PLXNA2: variants seen among roughly 807,000 people sequenced by gnomAD.
The protein encoded by PLXNA2 is plexin A2.
In PLXNA2, 91 loss-of-function variants were observed where a neutral mutation model predicts 193.5. The observed-to-expected ratio is 0.47, with a 90% CI of 0.40 to 0.56. The LOEUF (loss-of-function observed/expected upper bound fraction) is 0.56, where lower values mean the gene tolerates loss of function less well. Among genes scored for constraint, PLXNA2 ranks in the 20% least tolerant of loss-of-function variants. The pLI is 0.00. For synonymous variants in PLXNA2, 997 were observed against 1,027.3 expected, an observed-to-expected ratio of 0.97 and a Z score of 0.56; for missense variants, 1,995 against 2,503.2, an observed-to-expected ratio of 0.80 and a Z score of 4.33.
intron 3 of PLXNA2, among the ~76,000 whole-genome samples, chr1:208,160,984 A>T (rs1242206808): frequency 6.6e-6 from 1 of 152,248 alleles, no homozygotes; most frequent in Non-Finnish European, 1.5e-5. Context: ...TTTGTTATCA[A>T]AATTCTGCTT....
At chr1:208,153,679 C>T (rs535220697) in intron 3 of PLXNA2, among the ~76,000 whole-genome samples, 12 of 152,220 alleles carry the variant, frequency 7.9e-5, no homozygotes, top group East Asian at 1.9e-4. Flanking sequence ...ATTGAGGTTA[C>T]GAAGATGAGG....
At chr1:208,050,770 A>G (rs1047228281) in intron 17 of PLXNA2, among the ~76,000 whole-genome samples, 1 of 152,158 alleles carries the variant, frequency 6.6e-6, no homozygotes, top group Non-Finnish European at 1.5e-5. Context: ...TCAAGGCTGC[A>G]GTGAGCTGTG....
At chr1:208,240,939 C>A (rs571733901) in intron 1 of PLXNA2, among the ~76,000 whole-genome samples, 11 of 152,188 alleles carry the variant, frequency 7.2e-5, no homozygotes, top group Non-Finnish European at 1.3e-4. Flanking sequence ...CCACACCAAA[C>A]CCTATATCTT....
At chr1:208,041,972 G>A in intron 22 of PLXNA2, 126 bp downstream of exon 22, 1 of 974,408 alleles carries the variant, frequency 1.0e-6, no homozygotes. Context: ...GACACAGGCT[G>A]CTCTGAATGG....
chr1:208,027,405 C>T lies in PLXNA2; in HGVS notation c.5590-67G>A, dbSNP rs752923067. 11 of 1,342,714 alleles carry T rather than the reference C, an allele frequency of 8.2e-6. No homozygotes were observed. The South Asian group carries it at 1.1e-4, about 13-fold the overall frequency. The allele number at this position is 1,342,714 out of a possible 1,614,324, so 83.2% of individuals were successfully genotyped here. On this transcript the variant is annotated intron_variant, in intron 31 of 31. Transcript: ENST00000367033. ...AATAGAAGACACCATTTTCTGGAGT[C>T]GTTCCCTCTTTGCCCTCTGTCTACC...
chr1:208,035,077 A>G (rs986252396), intron 26 of PLXNA2, among the ~76,000 whole-genome samples: 3 of 152,120 alleles, frequency 2.0e-5, no homozygotes, highest in Non-Finnish European at 4.4e-5. Flanking sequence ...TGTGGCTTGC[A>G]CATGTGGCTT....
At chr1:208,054,585 C>A (rs1380313116) in intron 13 of PLXNA2, 47 bp from the exon 14 acceptor site, 1 of 1,306,328 alleles carries the variant, frequency 7.7e-7, no homozygotes, top group South Asian at 1.2e-5. Flanking sequence ...CAAGGGCTGG[C>A]ATCGCTGTTC....
At chr1:208,056,775 C>T (rs1571869111) in intron 13 of PLXNA2, among the ~76,000 whole-genome samples, 2 of 152,120 alleles carry the variant, frequency 1.3e-5, no homozygotes, top group South Asian at 2.1e-4. Context: ...TCTCTTTCCT[C>T]GGGCATCAGC....
intron 29 of PLXNA2, chr1:208,030,599 G>T: frequency 1.0e-6 from 1 of 985,438 alleles, no homozygotes; most frequent in Non-Finnish European, 1.2e-6. Context: ...CCGGGAGGAG[G>T]AAGGAAGAGA....
chr1:208,233,051 C>G (rs903323181), intron 1 of PLXNA2, among the ~76,000 whole-genome samples: 6 of 152,166 alleles, frequency 3.9e-5, no homozygotes, highest in Admixed American at 2.0e-4. Flanking sequence ...CTTGAATTCC[C>G]TAAATGTTGT....
intron 13 of PLXNA2, among the ~76,000 whole-genome samples, chr1:208,055,172 A>C (rs184034275): frequency 7.9e-4 from 120 of 152,224 alleles, no homozygotes; most frequent in African/African-American, 2.8e-3. Flanking sequence ...CTGGCCTCTC[A>C]CTTCATCAAG....
Position 208,044,120 on chromosome 1 carries a change from G to A in PLXNA2, c.3874+388C>T, listed in dbSNP as rs545866619. Among the ~76,000 whole-genome samples the A allele has an allele frequency of 1.1e-4, 17 of 152,324 alleles. No individual in the cohort carries two copies. Among genetic ancestry groups the A allele is most frequent in the Admixed American group, 2.0e-4 (3 of 15,292 alleles). ...CTGCCTTTGCTGCCGCTGCTCCCAC[G>A]TGCTGCGAAGACAGTGTGCAGAAAA... On this transcript the variant is annotated intron_variant, in intron 20 of 31. Coordinates refer to ENST00000367033, the MANE Select transcript of PLXNA2 (RefSeq NM_025179.4). The surrounding 1 kb of genome is among the most constrained non-coding windows in gnomAD (Gnocchi z 4.9).
At chr1:208,181,060 T>G (rs1669826693) in intron 3 of PLXNA2, among the ~76,000 whole-genome samples, 1 of 152,228 alleles carries the variant, frequency 6.6e-6, no homozygotes, top group African/African-American at 2.4e-5. Context: ...GACCTCTTCC[T>G]TCCTTTCAGA....
intron 4 of PLXNA2, among the ~76,000 whole-genome samples, chr1:208,120,781 G>T (rs1354246566): frequency 6.6e-6 from 1 of 152,154 alleles, no homozygotes; most frequent in African/African-American, 2.4e-5. Flanking sequence ...ATGTTTTTAA[G>T]TACTAAATAT....
intron 3 of PLXNA2, among the ~76,000 whole-genome samples, chr1:208,204,407 T>C (rs1028047645): frequency 5.6e-4 from 85 of 152,268 alleles, no homozygotes; most frequent in Middle Eastern, 3.4e-3. Context: ...CCAACATTTC[T>C]GAGATTACCA....
At chr1:208,222,586 C>T (rs1298446380) in intron 1 of PLXNA2, among the ~76,000 whole-genome samples, 1 of 152,198 alleles carries the variant, frequency 6.6e-6, no homozygotes, top group Non-Finnish European at 1.5e-5. Context: ...GTGAAGGCAT[C>T]TGATACCTTC....
chr1:208,098,899 C>A lies in PLXNA2; in HGVS notation c.1678G>T (p.Val560Leu). ...CTGCTGGGATGCACTGCAAGGCTCACACACTGGCTGATGCTGGCAGCAAAT... is the reference window on the plus strand; with the variant it reads ...CTGCTGGGATGCACTGCAAGGCTCAAACACTGGCTGATGCTGGCAGCAAAT... ...NRFAASISQC[V>L]SLAVHPSSIS... is the part of the protein sequence containing the mutation. Residue 560 changes from valine to leucine, a missense_variant, in exon 6 of 32, where the codon GTG becomes TTG. Val to Leu is a conservative substitution (Grantham distance 32, BLOSUM62 1). This residue lies in a region of PLXNA2 where 702 missense variants were observed against 812.9 expected (regional missense o/e 0.86). Transcript: ENST00000367033. The A allele has an allele frequency of 6.2e-7, 1 of 1,614,050 alleles. No individual in the cohort carries two copies. The highest frequency in any genetic ancestry group is 8.5e-7 in the Non-Finnish European group (1 of 1,180,000).
At position 208,028,135 on chromosome 1, in the gene PLXNA2, G is replaced by C; in HGVS notation, c.5463C>G (p.Leu1821=). The change falls in exon 31 of 32, where the codon CTC becomes CTG. Residue 1821 remains leucine, a synonymous_variant. Coordinates refer to ENST00000367033, the MANE Select transcript of PLXNA2 (RefSeq NM_025179.4). The surrounding 1 kb of genome is among the most constrained non-coding windows in gnomAD (Gnocchi z 4.2). ...TCATGTCCTGGTCACTGATGGCTGG[G>C]AGCTTGGCGATGTCTGCGTAGTATC... The part of the protein sequence containing the change: ...VERYYADIAK[L]PAISDQDMNA... 6.2e-7 allele frequency: 1 copy of C among 1,613,160 alleles called. No homozygotes were observed. Among genetic ancestry groups the C allele is most frequent in the East Asian group, 2.2e-5 (1 of 44,816 alleles).
intron 4 of PLXNA2, among the ~76,000 whole-genome samples, chr1:208,103,487 C>T (rs1261251011): frequency 1.3e-5 from 2 of 152,312 alleles, no homozygotes; most frequent in East Asian, 1.9e-4. Context: ...GAGGTAGCAG[C>T]AAAGGCTCCA....
Sources: gnomAD v4.1 joint callset for allele counts (sites outside exome capture counted in the v4.1 genomes callset) on GRCh38, gnomAD v4.1.1 for gene constraint, gnomAD v4.1.1 regional missense constraint, Gnocchi (gnomAD v3.1) non-coding constraint, MANE v1.5 for transcripts, NCBI Gene and HGNC (gene_info 2026-07-23, HGNC 2026-07-21) for gene names.